Variants in L3MBTL4 observed in about 807,000 individuals in gnomAD.
L3MBTL4 encodes lethal(3)malignant brain tumor-like protein 4.
L3MBTL4 carries 70 observed loss-of-function variants against 84.5 expected under a neutral mutation model. The ratio of observed to expected loss-of-function variants is 0.83; its 90% CI spans 0.68 to 1.01. The LOEUF (loss-of-function observed/expected upper bound fraction) is 1.01. Ranked by LOEUF, L3MBTL4 falls within the 50% of genes least tolerant of loss-of-function variation. The pLI, the probability that L3MBTL4 is intolerant of heterozygous loss-of-function variation, is 0.00. For missense variants in L3MBTL4, 715 were observed against 754.8 expected (o/e 0.95, Z 0.62); for synonymous variants, 274 against 259.8 (o/e 1.05, Z -0.52).
intron 16 of L3MBTL4, among the ~76,000 whole-genome samples, chr18:5,976,121 A>T (rs1321798667): frequency 2.0e-5 from 3 of 152,232 alleles, no homozygotes; most frequent in Non-Finnish European, 4.4e-5. Flanking sequence ...AACAGTAGCC[A>T]CTAGCCACAC....
intron 15 of L3MBTL4, among the ~76,000 whole-genome samples, chr18:6,086,592 C>T (rs1244865622): frequency 6.6e-6 from 1 of 152,138 alleles, no homozygotes; most frequent in African/African-American, 2.4e-5. Flanking sequence ...CCTCTCCATG[C>T]CCCTGAGCTG....
intron 12 of L3MBTL4, among the ~76,000 whole-genome samples, chr18:6,204,587 T>C (rs1012689656): frequency 1.3e-5 from 2 of 152,264 alleles, no homozygotes; most frequent in Non-Finnish European, 2.9e-5. Context: ...CCAAAGTCTC[T>C]TTTGTCTCTA....
intron 5 of L3MBTL4, among the ~76,000 whole-genome samples, chr18:6,261,607 A>T (rs1033088697): frequency 6.6e-6 from 1 of 152,220 alleles, no homozygotes; most frequent in Non-Finnish European, 1.5e-5. Context: ...GGAAAGCTAC[A>T]TGACCCAGAG....
At position 6,167,629 on chromosome 18, in the gene L3MBTL4, C is replaced by G. The variant is rs141787833; in HGVS notation, c.1096+4199G>C. Among the ~76,000 whole-genome samples, 716 of 146,476 alleles carry G rather than the reference C, an allele frequency of 4.9e-3. 22 individuals are homozygous for G. The highest frequency in any genetic ancestry group is 0.041 in the Admixed American group (600 of 14,686). The stretch of plus-strand genomic sequence containing the variant: ...AAGGCATGTGACAAAATTCAACAAC[C>G]CTTCATGCTAAAAGCTCTCAATAAA... On this transcript the variant is annotated intron_variant, in intron 13 of 18. Coordinates refer to ENST00000317931, the MANE Select transcript of L3MBTL4 (RefSeq NM_001330559.2).
At chr18:6,042,217 A>C (rs1290344266) in intron 16 of L3MBTL4, among the ~76,000 whole-genome samples, 1 of 152,144 alleles carries the variant, frequency 6.6e-6, no homozygotes, top group Non-Finnish European at 1.5e-5. Context: ...GGTTAATCCC[A>C]TCTCTTGAGT....
At chr18:6,281,476 AG>A (rs2049318772) in intron 4 of L3MBTL4, among the ~76,000 whole-genome samples, 1 of 152,248 alleles carries the variant, frequency 6.6e-6, no homozygotes, top group Non-Finnish European at 1.5e-5. Flanking sequence ...TTAACAAATC[AG>A]GTAACCATTT....
chr18:6,184,287 G>A (rs1052477160), intron 12 of L3MBTL4, among the ~76,000 whole-genome samples: 6 of 151,946 alleles, frequency 3.9e-5, no homozygotes, highest in African/African-American at 7.2e-5. Flanking sequence ...ACGGTAATTC[G>A]ACTATTATTT....
intron 16 of L3MBTL4, among the ~76,000 whole-genome samples, chr18:6,070,411 G>GA (rs1476008222): frequency 6.7e-6 from 1 of 148,276 alleles, no homozygotes; most frequent in African/African-American, 2.5e-5. Flanking sequence ...TTTAAAGCCT[G>GA]AAAAAAAATT....
intron 16 of L3MBTL4, among the ~76,000 whole-genome samples, chr18:6,074,610 G>A (rs977835245): frequency 1.8e-4 from 27 of 152,152 alleles, no homozygotes; most frequent in Non-Finnish European, 5.9e-5. Context: ...AACATATCTT[G>A]GTAAATGAAG....
chr18:5,956,127 G>T lies in L3MBTL4; in HGVS notation c.*93C>A. On this transcript the variant is annotated 3_prime_UTR_variant, in exon 19 of 19. Transcript: ENST00000317931. ...AAAAGTCCAGATTCAGTGTGGATAC[G>T]GCCATGGGGACATTCACATCAAATT... is the stretch of plus-strand genomic sequence containing the variant. 1.9e-6 allele frequency: 2 copies of T among 1,029,778 alleles called. No homozygotes were observed. Among genetic ancestry groups the T allele is most frequent in the South Asian group, 1.5e-5 (1 of 65,452 alleles). The allele number at this position is 1,029,778 out of a possible 1,614,324, so 63.8% of individuals were successfully genotyped here.
chr18:6,298,386 A>G (rs1363828405), intron 4 of L3MBTL4, among the ~76,000 whole-genome samples: 1 of 151,968 alleles, frequency 6.6e-6, no homozygotes, highest in Non-Finnish European at 1.5e-5. Context: ...TGTGTATCTC[A>G]TTATTTTTTT....
chr18:5,989,029 C>T (rs765831915), intron 16 of L3MBTL4, among the ~76,000 whole-genome samples: 5 of 152,210 alleles, frequency 3.3e-5, no homozygotes, highest in Admixed American at 1.3e-4. Flanking sequence ...TTCCACTACT[C>T]GCCTAGGTTC....
At position 6,042,008 on chromosome 18, in the gene L3MBTL4, C is replaced by A. The variant is rs570119807; in HGVS notation, c.1444+38873G>T. On this transcript the variant is annotated intron_variant, in intron 16 of 18. Coordinates refer to ENST00000317931, the MANE Select transcript of L3MBTL4 (RefSeq NM_001330559.2). ...AAAGTAGTGGGATTATGGGCATGAA[C>A]TACCACCCGGCCATCTGTGAACCAT... 3.9e-5 allele frequency among the ~76,000 whole-genome samples: 6 copies of A among 152,278 alleles called. No homozygotes were observed. In the East Asian group the frequency reaches 1.2e-3, roughly 29 times the overall value.
At chr18:5,994,322 G>T (rs1246223916) in intron 16 of L3MBTL4, among the ~76,000 whole-genome samples, 1 of 152,180 alleles carries the variant, frequency 6.6e-6, no homozygotes, top group Non-Finnish European at 1.5e-5. Context: ...TGTCTTCAGT[G>T]TCTGGTTTAA....
intron 12 of L3MBTL4, among the ~76,000 whole-genome samples, chr18:6,195,178 G>A (rs2045318391): frequency 6.6e-6 from 1 of 152,160 alleles, no homozygotes; most frequent in African/African-American, 2.4e-5. Flanking sequence ...CTGATGTTGG[G>A]TTGAGAGCAA....
In L3MBTL4 at chr18:6,120,289, A is replaced by G. The variant is rs1379587259; in HGVS notation, c.1199+17905T>C. The stretch of plus-strand genomic sequence containing the variant: ...GGGCCTGCTTGCTAATGGCCTTTAC[A>G]CCAGTCATTACTGTTTCCTCTGGAG... On this transcript the variant is annotated intron_variant, in intron 14 of 18. Coordinates refer to ENST00000317931, the MANE Select transcript of L3MBTL4 (RefSeq NM_001330559.2). Among the ~76,000 whole-genome samples the G allele has an allele frequency of 3.9e-5, 6 of 152,022 alleles. No homozygotes were observed. The East Asian group carries it at 9.7e-4, about 24-fold the overall frequency.
At chr18:6,165,837 C>A (rs992443734) in intron 13 of L3MBTL4, among the ~76,000 whole-genome samples, 2 of 152,136 alleles carry the variant, frequency 1.3e-5, no homozygotes, top group Non-Finnish European at 2.9e-5. Flanking sequence ...ACAATATTAA[C>A]CTTAAATGTA....
chr18:6,129,720 T>G (rs1471213057), intron 14 of L3MBTL4, among the ~76,000 whole-genome samples: 2 of 152,194 alleles, frequency 1.3e-5, no homozygotes, highest in African/African-American at 2.4e-5. Flanking sequence ...GACTGGACTT[T>G]TTCTCAACAA....
intron 4 of L3MBTL4, among the ~76,000 whole-genome samples, chr18:6,271,027 T>G (rs1430306840): frequency 6.6e-6 from 1 of 152,190 alleles, no homozygotes; most frequent in African/African-American, 2.4e-5. Flanking sequence ...CAGTGCCCTC[T>G]GTGGTTACAG....
Sources: allele counts gnomAD v4.1 joint callset (sites outside exome capture counted in the v4.1 genomes callset), GRCh38; gene constraint gnomAD v4.1.1; transcripts MANE v1.5; gene names NCBI Gene and HGNC (gene_info 2026-07-23, HGNC 2026-07-21).